CDH13: variants seen among roughly 807,000 people sequenced by gnomAD.
CDH13 encodes cadherin-13.
A neutral mutation model predicts 63.8 loss-of-function variants in CDH13; 24 were observed. The observed-to-expected ratio is 0.38, with a 90% CI of 0.27 to 0.53. The LOEUF is 0.53. CDH13 is among the 20% of genes least tolerant of loss of function. The pLI, the probability that CDH13 is intolerant of heterozygous loss-of-function variation, is 0.85. For synonymous variants in CDH13, 503 were observed against 355.3 expected, an observed-to-expected ratio of 1.42 and a Z score of -4.67; for missense variants, 1,049 against 903.1, an observed-to-expected ratio of 1.16 and a Z score of -2.07.
At chr16:83,404,906 A>G (rs977009853) in intron 6 of CDH13, among the ~76,000 whole-genome samples, 1 of 152,184 alleles carries the variant, frequency 6.6e-6, no homozygotes, top group Non-Finnish European at 1.5e-5. Context: ...TTATGGATGA[A>G]CCATAATCCT....
chr16:83,435,455 A>G (rs1406570569), intron 6 of CDH13, among the ~76,000 whole-genome samples: 1 of 152,116 alleles, frequency 6.6e-6, no homozygotes, highest in Non-Finnish European at 1.5e-5. Context: ...CCAAAGCAAC[A>G]TCTAACTCTG....
intron 4 of CDH13, among the ~76,000 whole-genome samples, chr16:83,127,301 T>A (rs1054741817): frequency 6.6e-6 from 1 of 152,208 alleles, no homozygotes; most frequent in Admixed American, 6.5e-5. Context: ...GAAGACTGCA[T>A]GTTTTGAAAG....
intron 4 of CDH13, among the ~76,000 whole-genome samples, chr16:83,201,064 C>G (rs913155438): frequency 2.6e-5 from 4 of 151,932 alleles, no homozygotes; most frequent in African/African-American, 9.7e-5. Flanking sequence ...AGAAGCAGAA[C>G]TGGTCCTTAC....
intron 6 of CDH13, among the ~76,000 whole-genome samples, chr16:83,425,995 G>T (rs2071883345): frequency 6.6e-6 from 1 of 152,178 alleles, no homozygotes; most frequent in Admixed American, 6.5e-5. Context: ...AATTAAATTA[G>T]AAATGCAGTA....
At chr16:82,651,296 G>T (rs1275363794) in intron 1 of CDH13, among the ~76,000 whole-genome samples, 1 of 152,182 alleles carries the variant, frequency 6.6e-6, no homozygotes, top group Non-Finnish European at 1.5e-5. Flanking sequence ...TTCTGAATAT[G>T]ATTAACTTCA....
At chr16:82,694,338 A>G (rs1417378580) in intron 1 of CDH13, among the ~76,000 whole-genome samples, 3 of 152,174 alleles carry the variant, frequency 2.0e-5, no homozygotes, top group African/African-American at 4.8e-5. Context: ...AGACTTTGGT[A>G]TTTCACCACC....
At chr16:82,907,617 A>G (rs1007165317) in intron 2 of CDH13, among the ~76,000 whole-genome samples, 1 of 152,224 alleles carries the variant, frequency 6.6e-6, no homozygotes, top group Admixed American at 6.5e-5. Context: ...CAGAAAATTC[A>G]TGGTGAGGCC....
At chr16:83,216,962 C>T (rs13332298) in intron 4 of CDH13, among the ~76,000 whole-genome samples, 1 of 151,972 alleles carries the variant, frequency 6.6e-6, no homozygotes, top group African/African-American at 2.4e-5. Flanking sequence ...TCAATGCATG[C>T]GCAGCAAATG....
At chr16:83,357,860 C>A (rs1247122333) in intron 6 of CDH13, among the ~76,000 whole-genome samples, 1 of 152,170 alleles carries the variant, frequency 6.6e-6, no homozygotes, top group Admixed American at 6.5e-5. Context: ...GGAACCCATT[C>A]CTCTAAGCAG....
At chr16:83,437,697 A>C (rs374405055) in intron 6 of CDH13, among the ~76,000 whole-genome samples, 1 of 152,158 alleles carries the variant, frequency 6.6e-6, no homozygotes, top group Admixed American at 6.6e-5. Flanking sequence ...AATTAAAAAA[A>C]ATAAAGGCTT....
intron 1 of CDH13, among the ~76,000 whole-genome samples, chr16:82,697,774 TG>T (rs1567638807): frequency 8.2e-5 from 12 of 146,686 alleles, no homozygotes; most frequent in African/African-American, 2.2e-4. Flanking sequence ...TGTGTGTGTG[TG>T]TGTGTGTGTG....
intron 1 of CDH13, among the ~76,000 whole-genome samples, chr16:82,758,109 T>C (rs1026767638): frequency 2.6e-5 from 4 of 152,140 alleles, no homozygotes; most frequent in Non-Finnish European, 5.9e-5. Flanking sequence ...GCATTGAGTA[T>C]GTAGTCTCCA....
intron 1 of CDH13, among the ~76,000 whole-genome samples, chr16:82,654,644 T>A (rs941871974): frequency 2.6e-5 from 4 of 152,176 alleles, no homozygotes; most frequent in Non-Finnish European, 4.4e-5. Context: ...TTTGACAACT[T>A]TTATTTGGGG....
chr16:83,729,978 G>A (rs1022095934), intron 10 of CDH13, among the ~76,000 whole-genome samples: 5 of 152,206 alleles, frequency 3.3e-5, no homozygotes, highest in East Asian at 1.9e-4. Context: ...TGAGAAGGGG[G>A]CAGCGAGCCT....
chr16:83,566,917 T>G (rs907177308), intron 7 of CDH13, among the ~76,000 whole-genome samples: 17 of 152,166 alleles, frequency 1.1e-4, no homozygotes, highest in Admixed American at 9.2e-4. Flanking sequence ...GAGGAATGCT[T>G]TCCTTATTCC....
At chr16:83,669,721 G>A (rs2150854465) in intron 8 of CDH13, among the ~76,000 whole-genome samples, 1 of 152,314 alleles carries the variant, frequency 6.6e-6, no homozygotes, top group African/African-American at 2.4e-5. Context: ...CACTGCTTTT[G>A]AAACCTCATT....
chr16:82,941,761 C>G (rs1904290362), intron 2 of CDH13, among the ~76,000 whole-genome samples: 1 of 152,170 alleles, frequency 6.6e-6, no homozygotes, highest in African/African-American at 2.4e-5. Context: ...TCTTAATGTT[C>G]TGCCCAGTAT....
At chr16:83,458,985 T>C (rs932823503) in intron 6 of CDH13, among the ~76,000 whole-genome samples, 5 of 152,246 alleles carry the variant, frequency 3.3e-5, no homozygotes, top group Non-Finnish European at 5.9e-5. Context: ...CAATTTTTCA[T>C]GGGGTTTTTC....
At chr16:82,826,579 C>G (rs1453757381) in intron 1 of CDH13, 1 of 152,138 alleles carries the variant, frequency 6.6e-6, no homozygotes, top group Non-Finnish European at 1.5e-5. Flanking sequence ...AATTACCTTT[C>G]TCATCTCAGG....
Sources: gnomAD v4.1 joint callset for allele counts (sites outside exome capture counted in the v4.1 genomes callset) on GRCh38, gnomAD v4.1.1 for gene constraint, MANE v1.5 for transcripts, NCBI Gene and HGNC (gene_info 2026-07-23, HGNC 2026-07-21) for gene names.